The following RRP15 variants were observed in gnomAD, a reference collection of about 807,000 sequenced individuals.
RRP15 encodes RRP15-like protein.
In RRP15, 18 loss-of-function variants were observed where a neutral mutation model predicts 27.1. The ratio of observed to expected loss-of-function variants is 0.66; its 90% CI spans 0.46 to 0.98. RRP15 has a LOEUF of 0.98. Among genes scored for constraint, RRP15 ranks in the 50% least tolerant of loss-of-function variants. RRP15 has a pLI of 0.00. For synonymous variants in RRP15, 107 were observed against 109.4 expected (o/e 0.98, Z 0.14); for missense variants, 359 against 337.8 (o/e 1.06, Z -0.49).
intron 1 of RRP15, among the ~76,000 whole-genome samples, chr1:218,294,125 C>T (rs576377748): frequency 3.9e-5 from 6 of 152,152 alleles, no homozygotes; most frequent in Admixed American, 3.3e-4. Context: ...GAAAAAACAC[C>T]ACTCAGTGTG....
In RRP15 at chr1:218,307,563, T is replaced by C. The variant is rs779939873; in HGVS notation, c.636T>C (p.Ser212=). The part of the protein sequence containing the change: ...ISTVSKKDFI[S]VLRGMDGSTN... ...CTGTTTCCAAGAAAGATTTCATCAG[T>C]GTTTTGAGAGGGATGGATGGAAGTA... Residue 212 remains serine (S), a synonymous_variant, in exon 4 of 5, where the codon AGT becomes AGC. Coordinates refer to ENST00000366932, the MANE Select transcript of RRP15 (RefSeq NM_016052.4). 1.4e-5 allele frequency: 23 copies of C among 1,613,912 alleles called. No homozygotes were observed. The highest frequency in any genetic ancestry group is 1.9e-5 in the Non-Finnish European group (23 of 1,179,964).
chr1:218,295,914 T>C (rs1655711136), intron 1 of RRP15, among the ~76,000 whole-genome samples: 1 of 149,694 alleles, frequency 6.7e-6, no homozygotes, highest in South Asian at 2.1e-4. Flanking sequence ...AAAGGTAACT[T>C]TTTTTTTTTG....
chr1:218,328,916 G>T (rs1656320734), intron 4 of RRP15, among the ~76,000 whole-genome samples: 1 of 152,096 alleles, frequency 6.6e-6, no homozygotes, highest in Non-Finnish European at 1.5e-5. Flanking sequence ...CACTGAGATT[G>T]TACTTGTTCA....
intron 4 of RRP15, among the ~76,000 whole-genome samples, chr1:218,317,855 C>T (rs1656114709): frequency 6.6e-6 from 1 of 151,628 alleles, no homozygotes; most frequent in Admixed American, 6.6e-5. Flanking sequence ...CCCTCCTCAG[C>T]CTCGCGAGTA....
At chr1:218,325,478 G>A (rs1030992722) in intron 4 of RRP15, among the ~76,000 whole-genome samples, 2 of 152,144 alleles carry the variant, frequency 1.3e-5, no homozygotes, top group Non-Finnish European at 2.9e-5. Context: ...ATAATAATGT[G>A]TCTCAATATT....
chr1:218,290,486 A>G (rs926212502), intron 1 of RRP15, among the ~76,000 whole-genome samples: 28 of 152,104 alleles, frequency 1.8e-4, no homozygotes, highest in African/African-American at 6.8e-4. Flanking sequence ...GTTTTCTGAA[A>G]CAAGATCTGG....
chr1:218,291,736 T>C (rs1655645621), intron 1 of RRP15, among the ~76,000 whole-genome samples: 1 of 152,042 alleles, frequency 6.6e-6, no homozygotes, highest in Non-Finnish European at 1.5e-5. Context: ...TTCAACATGT[T>C]GGCCAGGATA....
At chr1:218,295,982 T>C (rs1010041549) in intron 1 of RRP15, among the ~76,000 whole-genome samples, 1 of 152,062 alleles carries the variant, frequency 6.6e-6, no homozygotes, top group Non-Finnish European at 1.5e-5. Context: ...GGAAAGACCA[T>C]GTGGCATGAG....
At chr1:218,323,231 T>C (rs1656216560) in intron 4 of RRP15, among the ~76,000 whole-genome samples, 1 of 152,154 alleles carries the variant, frequency 6.6e-6, no homozygotes, top group Non-Finnish European at 1.5e-5. Flanking sequence ...CAGCGCTGTT[T>C]GTGTTACACC....
chr1:218,298,417 A>G (rs1655756322), intron 1 of RRP15, among the ~76,000 whole-genome samples: 1 of 152,144 alleles, frequency 6.6e-6, no homozygotes, highest in Non-Finnish European at 1.5e-5. Context: ...CTTCAAGGAG[A>G]GAAACCTAGA....
intron 1 of RRP15, among the ~76,000 whole-genome samples, chr1:218,299,922 G>T (rs1263334691): frequency 6.6e-6 from 1 of 151,986 alleles, no homozygotes; most frequent in Non-Finnish European, 1.5e-5. Context: ...TGTGGCCCTG[G>T]AATAAAATAA....
chr1:218,328,969 T>A (rs2102517395), intron 4 of RRP15, among the ~76,000 whole-genome samples: 1 of 152,290 alleles, frequency 6.6e-6, no homozygotes, highest in South Asian at 2.1e-4. Flanking sequence ...TCTTTGCTAG[T>A]CAGCAATTTT....
At chr1:218,328,637 TGG>T (rs1656314916) in intron 4 of RRP15, among the ~76,000 whole-genome samples, 1 of 151,974 alleles carries the variant, frequency 6.6e-6, no homozygotes, top group Non-Finnish European at 1.5e-5. Flanking sequence ...CACTCCAGCC[TGG>T]GCGACAGAGC....
Position 218,285,343 on chromosome 1 carries a change from TGTGAGTGAGGAAGAA to T in RRP15, c.28_42del (p.Val10_Glu14del). 6.2e-7 allele frequency: 1 copy of T among 1,613,974 alleles called. No homozygotes were observed. The highest frequency in any genetic ancestry group is 8.5e-7 in the Non-Finnish European group (1 of 1,179,984). ...TGGCAGCCGCCGCTCCGGACTCACG[TGTGAGTGAGGAAGAA>T]AACCTGAAAAAGACCCCAAAGAAGA... On this transcript the variant is annotated inframe_deletion, in exon 1 of 5. Transcript: ENST00000366932.
intron 1 of RRP15, among the ~76,000 whole-genome samples, chr1:218,289,136 A>G (rs1477151157): frequency 6.6e-6 from 1 of 152,184 alleles, no homozygotes; most frequent in African/African-American, 2.4e-5. Flanking sequence ...GATGACGATG[A>G]TGTCTCTTCT....
At chr1:218,296,744 G>T (rs1296917999) in intron 1 of RRP15, among the ~76,000 whole-genome samples, 4 of 152,008 alleles carry the variant, frequency 2.6e-5, no homozygotes. Flanking sequence ...TAGCTAGTTA[G>T]TATTATCATT....
intron 1 of RRP15, among the ~76,000 whole-genome samples, chr1:218,288,138 G>T (rs1655578954): frequency 6.6e-6 from 1 of 152,212 alleles, no homozygotes; most frequent in Non-Finnish European, 1.5e-5. Flanking sequence ...TTTTAAGCAA[G>T]ATGGTGACAG....
intron 4 of RRP15, among the ~76,000 whole-genome samples, chr1:218,308,591 A>AAGAAG (rs1383602980): frequency 6.6e-6 from 1 of 152,220 alleles, no homozygotes; most frequent in African/African-American, 2.4e-5. Flanking sequence ...AAACCCGAGC[A>AAGAAG]AGAAGAGCAT....
At chr1:218,319,109 G>C (rs916928407) in intron 4 of RRP15, among the ~76,000 whole-genome samples, 2 of 151,644 alleles carry the variant, frequency 1.3e-5, no homozygotes, top group African/African-American at 4.8e-5. Flanking sequence ...ACCCAGGCTG[G>C]AGTGCAATGG....
Sources: gnomAD v4.1 joint callset for allele counts (sites outside exome capture counted in the v4.1 genomes callset) on GRCh38, gnomAD v4.1.1 for gene constraint, MANE v1.5 for transcripts, NCBI Gene and HGNC (gene_info 2026-07-23, HGNC 2026-07-21) for gene names.